RIMS2: variants seen among roughly 807,000 people sequenced by gnomAD.
RIMS2 encodes the protein regulating synaptic membrane exocytosis 2, also known as regulating synaptic membrane exocytosis protein 2.
A neutral mutation model predicts 174.4 loss-of-function variants in RIMS2; 59 were observed. That is an observed-to-expected ratio of 0.34 (90% CI 0.27 to 0.42). The LOEUF (loss-of-function observed/expected upper bound fraction) is 0.42. Ranked by LOEUF, RIMS2 falls within the 10% of genes least tolerant of loss-of-function variation. RIMS2 has a pLI of 1.00. For missense variants in RIMS2, 1,620 were observed against 1,666.3 expected, an observed-to-expected ratio of 0.97 and a Z score of 0.48; for synonymous variants, 606 against 572.5, an observed-to-expected ratio of 1.06 and a Z score of -0.84.
At chr8:104,238,148 A>G (rs1217352447) in intron 19 of RIMS2, among the ~76,000 whole-genome samples, 1 of 152,202 alleles carries the variant, frequency 6.6e-6, no homozygotes, top group Non-Finnish European at 1.5e-5. Flanking sequence ...TGTCCTTTGC[A>G]GGGACATGGA....
intron 1 of RIMS2, among the ~76,000 whole-genome samples, chr8:103,614,016 A>T (rs2095447408): frequency 6.6e-6 from 1 of 152,200 alleles, no homozygotes; most frequent in Non-Finnish European, 1.5e-5. Flanking sequence ...GGGATGGTGC[A>T]AGCACTACTT....
chr8:103,751,696 A>T (rs2139748181), intron 2 of RIMS2, among the ~76,000 whole-genome samples: 1 of 151,532 alleles, frequency 6.6e-6, no homozygotes, highest in African/African-American at 2.4e-5. Context: ...TCTGATGGCC[A>T]GTGATGGTGA....
At chr8:104,032,024 AC>A (rs2096404974) in intron 19 of RIMS2, among the ~76,000 whole-genome samples, 1 of 152,056 alleles carries the variant, frequency 6.6e-6, no homozygotes, top group Non-Finnish European at 1.5e-5. Context: ...GGAAAAAATG[AC>A]TAATTTAAAT....
intron 19 of RIMS2, among the ~76,000 whole-genome samples, chr8:104,210,558 G>A (rs569881900): frequency 6.6e-6 from 1 of 152,248 alleles, no homozygotes; most frequent in East Asian, 1.9e-4. Context: ...TTCCTCTCCT[G>A]ATCTCTACAT....
chr8:103,990,559 G>T (rs2094614588), intron 17 of RIMS2, among the ~76,000 whole-genome samples: 2 of 152,144 alleles, frequency 1.3e-5, no homozygotes, highest in South Asian at 4.1e-4. Context: ...TGTAGAAGTT[G>T]ATGCTTATCA....
At chr8:103,936,753 T>C in intron 13 of RIMS2, 31 bp downstream of exon 15, 9 of 1,513,182 alleles carry the variant, frequency 5.9e-6, no homozygotes, top group Non-Finnish European at 8.1e-6. Context: ...GTTTATGCTA[T>C]TCATGTTATC....
At chr8:103,720,863 G>A (rs764482321) in intron 2 of RIMS2, among the ~76,000 whole-genome samples, 7 of 152,120 alleles carry the variant, frequency 4.6e-5, no homozygotes, top group East Asian at 1.9e-4. Flanking sequence ...AAAAGATAAC[G>A]TAATTTTAAA....
intron 19 of RIMS2, among the ~76,000 whole-genome samples, chr8:104,203,662 G>A (rs1369122278): frequency 4.0e-5 from 6 of 151,726 alleles, no homozygotes; most frequent in African/African-American, 1.5e-4. Flanking sequence ...CACTACCACT[G>A]CCAGCTAATT....
intron 1 of RIMS2, among the ~76,000 whole-genome samples, chr8:103,565,938 A>G (rs2132143937): frequency 6.6e-6 from 1 of 152,306 alleles, no homozygotes; most frequent in East Asian, 1.9e-4. Context: ...TGTTATGCCC[A>G]ATATGTTTGG....
chr8:103,873,216 A>G (rs2099120845), intron 3 of RIMS2, among the ~76,000 whole-genome samples: 1 of 152,092 alleles, frequency 6.6e-6, no homozygotes, highest in African/African-American at 2.4e-5. Flanking sequence ...CCCTTAGGAT[A>G]AGGAAGTGAG....
chr8:103,646,817 G>A (rs564981782), intron 1 of RIMS2, among the ~76,000 whole-genome samples: 1 of 152,228 alleles, frequency 6.6e-6, no homozygotes, highest in Non-Finnish European at 1.5e-5. Flanking sequence ...TATTTGAATA[G>A]CATTTATTTT....
chr8:103,851,604 A>G (rs898024105), intron 3 of RIMS2, among the ~76,000 whole-genome samples: 2 of 149,430 alleles, frequency 1.3e-5, no homozygotes, highest in African/African-American at 4.9e-5. Flanking sequence ...CCAATTGTGT[A>G]TGTATAGATG....
intron 1 of RIMS2, among the ~76,000 whole-genome samples, chr8:103,624,732 A>G (rs2095737473): frequency 6.6e-6 from 1 of 152,202 alleles, no homozygotes; most frequent in African/African-American, 2.4e-5. Flanking sequence ...AAGTATTTAC[A>G]AATATTAATT....
chr8:104,203,170 A>G (rs551016979), intron 19 of RIMS2, among the ~76,000 whole-genome samples: 2 of 152,342 alleles, frequency 1.3e-5, no homozygotes, highest in South Asian at 2.1e-4. Context: ...TACATTTAGT[A>G]TAAAATATCA....
chr8:103,914,937 T>C (rs2076378505), intron 6 of RIMS2, among the ~76,000 whole-genome samples: 2 of 152,086 alleles, frequency 1.3e-5, no homozygotes, highest in South Asian at 2.1e-4. Context: ...AATAGAAACA[T>C]AAAAATGAAA....
chr8:103,788,518 G>A (rs2098465285), intron 3 of RIMS2, among the ~76,000 whole-genome samples: 1 of 150,612 alleles, frequency 6.6e-6, no homozygotes, highest in Non-Finnish European at 1.5e-5. Context: ...AGGTCTGTTG[G>A]AATACCCTGC....
chr8:103,904,752 A>G (rs772527052), intron 4 of RIMS2, among the ~76,000 whole-genome samples: 1 of 151,950 alleles, frequency 6.6e-6, no homozygotes, highest in Non-Finnish European at 1.5e-5. Flanking sequence ...CAGCTCATTT[A>G]TAGTTTGTCA....
Position 103,807,742 on chromosome 8 carries a change from TGGAAA to T in RIMS2, c.698+41206_698+41210del, listed in dbSNP as rs555724118. Among the ~76,000 whole-genome samples, 17 of 152,102 alleles carry T rather than the reference TGGAAA, an allele frequency of 1.1e-4. No homozygotes were observed. The South Asian group carries it at 1.7e-3, about 15-fold the overall frequency. ...CTGGTAATAAAAAGGGTAAGACAGATGGAAAATTGATAGAATAGATCTTGTTTATA... is the reference window on the plus strand; with the variant it reads ...CTGGTAATAAAAAGGGTAAGACAGATATTGATAGAATAGATCTTGTTTATA... On this transcript the variant is annotated intron_variant, in intron 3 of 23. Coordinates refer to ENST00000504942, the Ensembl canonical transcript of RIMS2.
At chr8:104,052,400 G>A (rs1303356663) in intron 19 of RIMS2, among the ~76,000 whole-genome samples, 1 of 152,010 alleles carries the variant, frequency 6.6e-6, no homozygotes, top group African/African-American at 2.4e-5. Flanking sequence ...CCCAAGATAG[G>A]GGTCCACAGG....
Sources: allele counts gnomAD v4.1 joint callset (sites outside exome capture counted in the v4.1 genomes callset), GRCh38; gene constraint gnomAD v4.1.1; transcripts MANE v1.5; gene names NCBI Gene and HGNC (gene_info 2026-07-23, HGNC 2026-07-21).